Variants in CPLANE1 observed in about 807,000 individuals in gnomAD.
CPLANE1 encodes ciliogenesis and planar polarity effector 1.
A neutral mutation model predicts 362.5 loss-of-function variants in CPLANE1; 263 were observed. The observed-to-expected ratio is 0.73, with a 90% CI of 0.66 to 0.80. CPLANE1 has a LOEUF of 0.80. Among genes scored for constraint, CPLANE1 ranks in the 30% least tolerant of loss-of-function variants. The probability of loss-of-function intolerance (pLI) is 0.00; values close to 1 mark genes in which losing one functional copy is unlikely to be tolerated. For synonymous variants in CPLANE1, 1,212 were observed against 1,302.6 expected (o/e 0.93, Z 1.50); for missense variants, 3,461 against 3,793.4 (o/e 0.91, Z 2.30).
intron 12 of CPLANE1, among the ~76,000 whole-genome samples, chr5:37,224,946 C>CTTTTTTTTTTTTTTT (rs199801993): frequency 7.6e-6 from 1 of 131,292 alleles, no homozygotes; most frequent in African/African-American, 2.8e-5. Context: ...CACCTGTAAT[C>CTTTTTTTTTTTTTTT]TTTTTTTTTT....
chr5:37,137,028 T>C (rs774718573), intron 46 of CPLANE1, among the ~76,000 whole-genome samples: 1 of 152,242 alleles, frequency 6.6e-6, no homozygotes, highest in Non-Finnish European at 1.5e-5. Flanking sequence ...TCATTATTTA[T>C]GGAAATTTCT....
intron 46 of CPLANE1, among the ~76,000 whole-genome samples, chr5:37,126,280 T>TGC (rs1764113082): frequency 6.6e-6 from 1 of 152,256 alleles, no homozygotes; most frequent in African/African-American, 2.4e-5. Flanking sequence ...TTCCAACAGC[T>TGC]GCCCTTATGG....
At position 37,107,540 on chromosome 5, in the gene CPLANE1, T is replaced by G. The variant is rs1300404293; in HGVS notation, c.*62A>C. ...TGCTTCTGTCCCTTAAACCTGTTAA[T>G]CTTTCAGAACCACATTACTGAGGTG... On this transcript the variant is annotated 3_prime_UTR_variant, in exon 53 of 53. Transcript: ENST00000651892. 1 of 1,431,362 alleles carries G rather than the reference T, an allele frequency of 7.0e-7. No homozygotes were observed. The highest frequency in any genetic ancestry group is 9.2e-7 in the Non-Finnish European group (1 of 1,083,776). The allele number at this position is 1,431,362 out of a possible 1,614,324, so 88.7% of individuals were successfully genotyped here. A position where few individuals can be genotyped will look rare whatever the true frequency, so the allele number is the denominator to read the frequency against.
Position 37,107,905 on chromosome 5 carries a change from G to A in CPLANE1, c.9580-127C>T, listed in dbSNP as rs1239507408. The A allele has an allele frequency of 5.7e-6, 8 of 1,403,170 alleles. No homozygotes were observed. The African/African-American group carries it at 7.3e-5, about 13-fold the overall frequency. 86.9% of individuals were successfully genotyped at this position (1,403,170 alleles called of 1,614,324 possible). A position where few individuals can be genotyped will look rare whatever the true frequency, so the allele number is the denominator to read the frequency against. On this transcript the variant is annotated intron_variant, in intron 52 of 52. Transcript: ENST00000651892. ...AGAGTTGCTCATCCATCAAAAGGCT[G>A]AAGGAAATGTGCCAGGAAATAGGGC...
At position 37,125,290 on chromosome 5, in the gene CPLANE1, T is replaced by C; in HGVS notation, c.8912A>G (p.Glu2971Gly). Reference protein sequence around the residue: ...RMAKYLNELAEKRGQEHDPFC... With the variant: ...RMAKYLNELAGKRGQEHDPFC... ...AGGATCATGTTCTTGCCCTCTCTTT[T>C]CTGCCAGCTCATTTAAGTACTTTGC... The change falls in exon 47 of 53, where the codon GAA becomes GGA. Residue 2971 changes from glutamate to glycine, a missense_variant. Physicochemically the swap from Glu to Gly is moderately conservative, Grantham distance 98. Coordinates refer to ENST00000651892, the MANE Select transcript of CPLANE1 (RefSeq NM_001384732.1). The C allele has an allele frequency of 6.2e-7, 1 of 1,614,100 alleles. No homozygotes were observed. Among genetic ancestry groups the C allele is most frequent in the Non-Finnish European group, 8.5e-7 (1 of 1,179,994 alleles).
chr5:37,216,493 G>A (rs530053296), intron 15 of CPLANE1, among the ~76,000 whole-genome samples: 113 of 152,338 alleles, frequency 7.4e-4, no homozygotes, highest in Middle Eastern at 6.8e-3. Context: ...AAGCTGCAGT[G>A]AGCTGTGATC....
chr5:37,205,204 G>T, intron 18 of CPLANE1, 111 bp downstream of exon 18: 1 of 666,268 alleles, frequency 1.5e-6, no homozygotes, highest in African/African-American at 1.9e-5. Flanking sequence ...TTTCATTTTT[G>T]ATAAGTTTAT....
chr5:37,239,996 T>A, intron 6 of CPLANE1, 127 bp from the exon 7 acceptor site: 1 of 571,036 alleles, frequency 1.8e-6, no homozygotes, highest in Non-Finnish European at 2.9e-6. Context: ...GGGAATATTT[T>A]AGAGACTATG....
rs1778990853 is a variant in CPLANE1 at position 37,168,803 on chromosome 5, G to A, written c.7221C>T (p.Ser2407=). 1 of 1,612,260 alleles carries A rather than the reference G, an allele frequency of 6.2e-7. No homozygotes were observed. Residue 2407 remains serine (S), a synonymous_variant, in exon 34 of 53, where the codon TCC becomes TCT. Coordinates refer to ENST00000651892, the MANE Select transcript of CPLANE1 (RefSeq NM_001384732.1). ...AAAAATTCATTACCCTATTTTCTGG[G>A]GACAAATGTGAATGAAGTAATGACA... is the stretch of plus-strand genomic sequence containing the variant. ...PRLSLLHSHL[S]PENRCKKTQL... is the part of the protein sequence containing the mutation.
At chr5:37,211,197 C>T in intron 16 of CPLANE1, 1 of 1,414,340 alleles carries the variant, frequency 7.1e-7, no homozygotes, top group South Asian at 1.1e-5. Flanking sequence ...CACAAATTAT[C>T]CAAATGCAGG....
intron 4 of CPLANE1, 23 bp downstream of exon 4, chr5:37,245,456 T>G (rs1739335628): frequency 1.4e-6 from 2 of 1,432,278 alleles, no homozygotes; most frequent in Non-Finnish European, 1.8e-6. Context: ...TAAACCAACT[T>G]AAACAAATAA....
At chr5:37,194,969 G>A (rs1050232099) in intron 21 of CPLANE1, among the ~76,000 whole-genome samples, 14 of 151,556 alleles carry the variant, frequency 9.2e-5, no homozygotes, top group South Asian at 2.1e-4. Flanking sequence ...TGGCTAACAC[G>A]GTGAAACCCC....
At chr5:37,168,005 T>C (rs529314938) in intron 34 of CPLANE1, among the ~76,000 whole-genome samples, 11 of 152,170 alleles carry the variant, frequency 7.2e-5, no homozygotes, top group Non-Finnish European at 1.5e-4. Flanking sequence ...ATGGTAAGTA[T>C]TTTTTCTAAG....
chr5:37,200,858 C>T (rs372423552), intron 19 of CPLANE1, among the ~76,000 whole-genome samples: 8 of 152,200 alleles, frequency 5.3e-5, no homozygotes, highest in African/African-American at 1.9e-4. Flanking sequence ...GAGTTTTGCT[C>T]TGTCACCCAG....
chr5:37,142,714 C>G (rs1242795004), intron 43 of CPLANE1: 1 of 293,996 alleles, frequency 3.4e-6, no homozygotes, highest in Non-Finnish European at 6.2e-6. Flanking sequence ...GGCCTATGCC[C>G]TTTCATAAAA....
intron 36 of CPLANE1, among the ~76,000 whole-genome samples, chr5:37,164,751 CTATT>C (rs1454784953): frequency 1.3e-5 from 2 of 152,162 alleles, no homozygotes; most frequent in African/African-American, 2.4e-5. Flanking sequence ...TAATACGTCT[CTATT>C]TAATCTGTTG....
the CPLANE1 span, among the ~76,000 whole-genome samples, chr5:37,098,323 G>A: frequency 3.4e-5 from 5 of 148,434 alleles, no homozygotes; most frequent in South Asian, 2.1e-4. Flanking sequence ...CCTGGGAGGC[G>A]GAGGTTGCAG....
At position 37,209,486 on chromosome 5, in the gene CPLANE1, A is replaced by G. The variant is rs1044588725; in HGVS notation, c.2921-3061T>C. The G allele has an allele frequency of 3.0e-5, 39 of 1,290,040 alleles. No individual in the cohort carries two copies. Among genetic ancestry groups the G allele is most frequent in the Non-Finnish European group, 4.3e-5 (38 of 886,468 alleles). The allele number at this position is 1,290,040 out of a possible 1,614,324, so 79.9% of individuals were successfully genotyped here. On this transcript the variant is annotated intron_variant, in intron 16 of 52. Coordinates refer to ENST00000651892, the MANE Select transcript of CPLANE1 (RefSeq NM_001384732.1). The surrounding 1 kb of genome is among the most constrained non-coding windows in gnomAD (Gnocchi z 4.6). Reference sequence around the variant, plus strand: ...TGGAAACACTCAAGATACAACTTCGAAACCAGCTAATTCATGAGTTAATGC... The same window carrying G: ...TGGAAACACTCAAGATACAACTTCGGAACCAGCTAATTCATGAGTTAATGC...
At chr5:37,130,517 A>C (rs572892760) in intron 46 of CPLANE1, 48 of 216,176 alleles carry the variant, frequency 2.2e-4, no homozygotes, top group African/African-American at 1.0e-3. Flanking sequence ...AAAACAAAGC[A>C]AAGCCAGTTA....
Sources: gnomAD v4.1 joint callset for allele counts (sites outside exome capture counted in the v4.1 genomes callset) on GRCh38, gnomAD v4.1.1 for gene constraint, Gnocchi (gnomAD v3.1) non-coding constraint, MANE v1.5 for transcripts, NCBI Gene and HGNC (gene_info 2026-07-23, HGNC 2026-07-21) for gene names.